The following NPHP4 variants were observed in gnomAD, a reference collection of about 807,000 sequenced individuals.
NPHP4 encodes nephrocystin 4, also known as nephrocystin-4.
A neutral mutation model predicts 155.8 loss-of-function variants in NPHP4; 151 were observed. The ratio of observed to expected loss-of-function variants is 0.97; its 90% CI spans 0.85 to 1.11. The LOEUF (loss-of-function observed/expected upper bound fraction) is 1.11, where lower values mean the gene tolerates loss of function less well. Ranked by LOEUF, NPHP4 falls within the 50% of genes least tolerant of loss-of-function variation. The probability of loss-of-function intolerance (pLI) is 0.00; values close to 1 mark genes in which losing one functional copy is unlikely to be tolerated. For synonymous variants in NPHP4, 845 were observed against 816.8 expected (o/e 1.03, Z -0.59); for missense variants, 1,956 against 1,925.7 (o/e 1.02, Z -0.29).
At chr1:5,879,396 T>G (rs1162615222) in intron 19 of NPHP4, 9 of 393,704 alleles carry the variant, frequency 2.3e-5, no homozygotes, top group Non-Finnish European at 5.0e-6. Context: ...GAAACACATT[T>G]TCACCAAACC....
At chr1:5,899,338 A>G (rs903689916) in intron 16 of NPHP4, among the ~76,000 whole-genome samples, 2 of 152,184 alleles carry the variant, frequency 1.3e-5, no homozygotes, top group Non-Finnish European at 2.9e-5. Context: ...GAAAACAGAA[A>G]CGCTACTGCT....
At chr1:5,875,155 G>A (rs1642453302) in intron 20 of NPHP4, 55 bp from the exon 21 acceptor site, 2 of 1,397,280 alleles carry the variant, frequency 1.4e-6, no homozygotes, top group Middle Eastern at 4.0e-4. Flanking sequence ...TCCTCCACAA[G>A]GGGCTATTGC....
intron 11 of NPHP4, among the ~76,000 whole-genome samples, chr1:5,927,299 T>C (rs796892554): frequency 1.6e-4 from 24 of 152,330 alleles, no homozygotes; most frequent in African/African-American, 5.8e-4. Flanking sequence ...ACTTCAACAG[T>C]GCAAACGCAA....
At chr1:5,965,683 C>G (rs1173342248) in intron 5 of NPHP4, among the ~76,000 whole-genome samples, 1 of 152,078 alleles carries the variant, frequency 6.6e-6, no homozygotes, top group African/African-American at 2.4e-5. Context: ...TCCACATGCC[C>G]CGGCCCATGC....
At chr1:5,904,498 A>G in intron 16 of NPHP4, 119 bp downstream of exon 16, 1 of 759,952 alleles carries the variant, frequency 1.3e-6, no homozygotes. Context: ...TCACCGTATG[A>G]TTCTAATGTT....
chr1:5,869,718 A>G (rs1222612494), intron 23 of NPHP4, among the ~76,000 whole-genome samples: 2 of 152,226 alleles, frequency 1.3e-5, no homozygotes, highest in Non-Finnish European at 2.9e-5. Flanking sequence ...ACACGTACAT[A>G]AAGATGGCCA....
In NPHP4 at chr1:5,978,495, T is replaced by C. The variant is rs1654101558; in HGVS notation, c.136-82A>G. ...CACTGGCAGGCCATGTGGGTGCATA[T>C]GGGGCCACCTCGCTCAGATATCAGC... On this transcript the variant is annotated intron_variant, in intron 2 of 29. Transcript: ENST00000378156. 5 of 1,326,184 alleles carry C rather than the reference T, an allele frequency of 3.8e-6. No homozygotes were observed. The Admixed American group carries it at 8.0e-5, about 21-fold the overall frequency. 82.2% of individuals were successfully genotyped at this position (1,326,184 alleles called of 1,614,324 possible).
intron 27 of NPHP4, chr1:5,864,721 G>T (rs938421422): frequency 3.6e-6 from 2 of 549,118 alleles, no homozygotes; most frequent in East Asian, 5.8e-5. Context: ...CTCTCACACG[G>T]CGACTATTCC....
At chr1:5,977,037 G>A (rs961255816) in intron 3 of NPHP4, among the ~76,000 whole-genome samples, 5 of 152,046 alleles carry the variant, frequency 3.3e-5, no homozygotes, top group Admixed American at 6.5e-5. Flanking sequence ...ATCAAACCAA[G>A]ACAGCTGAGA....
chr1:5,913,444 CCAAT>C (rs1645294832), intron 11 of NPHP4, among the ~76,000 whole-genome samples: 1 of 152,222 alleles, frequency 6.6e-6, no homozygotes, highest in South Asian at 2.1e-4. Context: ...CTATCACTCT[CCAAT>C]CAGTCTCCAC....
chr1:5,912,227 G>A (rs1382865167), intron 11 of NPHP4, among the ~76,000 whole-genome samples: 1 of 152,194 alleles, frequency 6.6e-6, no homozygotes, highest in African/African-American at 2.4e-5. Context: ...AACTGGGAAG[G>A]CAGCCGCGGC....
At chr1:5,964,380 C>A (rs745799358) in intron 5 of NPHP4, among the ~76,000 whole-genome samples, 2 of 152,158 alleles carry the variant, frequency 1.3e-5, no homozygotes, top group Non-Finnish European at 2.9e-5. Context: ...CTTCTTGACC[C>A]CTGACCAAAT....
intron 6 of NPHP4, among the ~76,000 whole-genome samples, chr1:5,960,743 C>T (rs1650159243): frequency 6.6e-6 from 1 of 152,160 alleles, no homozygotes; most frequent in South Asian, 2.1e-4. Context: ...CCATGAGGAC[C>T]ACCCAGAAGA....
chr1:5,913,302 G>A (rs1484411861), intron 11 of NPHP4, among the ~76,000 whole-genome samples: 1 of 152,162 alleles, frequency 6.6e-6, no homozygotes, highest in Non-Finnish European at 1.5e-5. Context: ...CTAAGTCACT[G>A]GTTTCCCAGG....
intron 11 of NPHP4, among the ~76,000 whole-genome samples, chr1:5,921,703 GCTGT>G (rs1177554235): frequency 6.6e-5 from 10 of 152,134 alleles, no homozygotes; most frequent in African/African-American, 1.2e-4. Flanking sequence ...TTTCTTTCCT[GCTGT>G]CTATTTCTTA....
At chr1:5,874,069 G>A (rs190763057) in intron 22 of NPHP4, among the ~76,000 whole-genome samples, 5 of 152,150 alleles carry the variant, frequency 3.3e-5, no homozygotes, top group East Asian at 3.9e-4. Context: ...CTCCCTGCAC[G>A]CATGCTCCCC....
chr1:5,932,685 T>A (rs999077077), intron 10 of NPHP4, among the ~76,000 whole-genome samples: 11 of 149,054 alleles, frequency 7.4e-5, no homozygotes, highest in Non-Finnish European at 1.6e-4. Flanking sequence ...AACCTGAGAA[T>A]CTCTGCTGTG....
At chr1:5,940,684 C>T (rs1405546490) in intron 9 of NPHP4, among the ~76,000 whole-genome samples, 3 of 151,960 alleles carry the variant, frequency 2.0e-5, no homozygotes, top group Non-Finnish European at 4.4e-5. Flanking sequence ...AAGAAAACAT[C>T]CCATTTACAA....
chr1:5,964,666 T>A (rs1651012546), intron 5 of NPHP4, among the ~76,000 whole-genome samples: 1 of 151,720 alleles, frequency 6.6e-6, no homozygotes, highest in South Asian at 2.1e-4. Flanking sequence ...CCTTCTCCAC[T>A]CCCTGGCCAG....
Sources: gnomAD v4.1 joint callset for allele counts (sites outside exome capture counted in the v4.1 genomes callset) on GRCh38, gnomAD v4.1.1 for gene constraint, MANE v1.5 for transcripts, NCBI Gene and HGNC (gene_info 2026-07-23, HGNC 2026-07-21) for gene names.